The following ECE1 variants were observed in gnomAD, a reference collection of about 807,000 sequenced individuals.
ECE1 encodes endothelin converting enzyme 1.
A neutral mutation model predicts 98.6 loss-of-function variants in ECE1; 35 were observed. The observed-to-expected ratio is 0.35, with a 90% confidence interval of 0.27 to 0.47. The LOEUF (loss-of-function observed/expected upper bound fraction) is 0.47. Among genes scored for constraint, ECE1 ranks in the 20% least tolerant of loss-of-function variants. ECE1 has a pLI of 1.00. For synonymous variants in ECE1, 394 were observed against 407.1 expected, an observed-to-expected ratio of 0.97 and a Z score of 0.39; for missense variants, 814 against 1,025.3, an observed-to-expected ratio of 0.79 and a Z score of 2.81.
chr1:21,263,530 T>C (rs1345309324), intron 4 of ECE1, among the ~76,000 whole-genome samples: 1 of 152,078 alleles, frequency 6.6e-6, no homozygotes, highest in Non-Finnish European at 1.5e-5. Flanking sequence ...CTAATTTTTG[T>C]ATTTTTAGTA....
At position 21,257,519 on chromosome 1, in the gene ECE1, G is replaced by T. The variant is rs925126711; in HGVS notation, c.828+6C>A. ...AGGCAGGCTGGGAGGGGAGAGGCAC[G>T]CTTACCTTCTCGTTTTCAGTTTTGT... On this transcript the variant is annotated splice_donor_region_variant and intron_variant, in intron 7 of 18. Transcript: ENST00000374893. 6.2e-7 allele frequency: 1 copy of T among 1,614,128 alleles called. No individual in the cohort carries two copies. The highest frequency in any genetic ancestry group is 2.2e-5 in the East Asian group (1 of 44,888).
In ECE1 at chr1:21,217,437, G is replaced by A. The variant is rs912446611; in HGVS notation, c.*2518C>T. On this transcript the variant is annotated 3_prime_UTR_variant, in exon 19 of 19. Transcript: ENST00000374893. ...TTCATTTTCCTTAAAGCTCTGGAGCGGGTAGTGGCAGTGGCAGGGGCTTCC... is the reference window on the plus strand; with the variant it reads ...TTCATTTTCCTTAAAGCTCTGGAGCAGGTAGTGGCAGTGGCAGGGGCTTCC... 1 of 152,216 alleles carries A rather than the reference G, an allele frequency of 6.6e-6. No homozygotes were observed. 9.4% of individuals were successfully genotyped at this position (152,216 alleles called of 1,614,324 possible). A position where few individuals can be genotyped will look rare whatever the true frequency, so the allele number is the denominator to read the frequency against.
At chr1:21,228,163 C>T (rs2098176902) in intron 14 of ECE1, 122 bp from the exon 15 acceptor site, 2 of 694,892 alleles carry the variant, frequency 2.9e-6, no homozygotes, top group African/African-American at 3.6e-5. Context: ...TCTCCTTGAC[C>T]CCAGGCCCAA....
At chr1:21,256,377 G>A (rs550431723) in intron 7 of ECE1, among the ~76,000 whole-genome samples, 36 of 152,258 alleles carry the variant, frequency 2.4e-4, no homozygotes, top group African/African-American at 7.0e-4. Flanking sequence ...CCAACATGGC[G>A]AAACCCCGTC....
At chr1:21,335,635 G>A (rs1405113669) in intron 1 of ECE1, among the ~76,000 whole-genome samples, 1 of 152,224 alleles carries the variant, frequency 6.6e-6, no homozygotes, top group East Asian at 1.9e-4. Context: ...GGTGGACAGA[G>A]TCGCAGTGAG....
At chr1:21,230,759 G>C (rs1236372830) in intron 14 of ECE1, among the ~76,000 whole-genome samples, 1 of 152,140 alleles carries the variant, frequency 6.6e-6, no homozygotes, top group East Asian at 1.9e-4. Context: ...GAATCCAGTT[G>C]TCTTTGATTA....
intron 2 of ECE1, among the ~76,000 whole-genome samples, chr1:21,283,783 T>G (rs2098257676): frequency 2.0e-5 from 3 of 152,208 alleles, no homozygotes; most frequent in African/African-American, 7.2e-5. Context: ...CACTGCAAAA[T>G]TAAATTAAAA....
chr1:21,282,117 T>A (rs1465024385), intron 2 of ECE1, among the ~76,000 whole-genome samples: 1 of 151,686 alleles, frequency 6.6e-6, no homozygotes, highest in Non-Finnish European at 1.5e-5. Flanking sequence ...TCAGACCCCA[T>A]CTCTTAAAAA....
chr1:21,226,197 G>A (rs140738558), intron 16 of ECE1, among the ~76,000 whole-genome samples: 1 of 152,256 alleles, frequency 6.6e-6, no homozygotes, highest in Non-Finnish European at 1.5e-5. Flanking sequence ...CTGATTCAAC[G>A]CCCCCTGACT....
At chr1:21,279,671 T>G in intron 2 of ECE1, 1 of 1,406,322 alleles carries the variant, frequency 7.1e-7, no homozygotes, top group Non-Finnish European at 9.2e-7. Context: ...TGTTTGGACT[T>G]GCAGGCATCC....
At chr1:21,306,969 G>A (rs538737954) in intron 1 of ECE1, among the ~76,000 whole-genome samples, 4 of 152,148 alleles carry the variant, frequency 2.6e-5, no homozygotes, top group East Asian at 1.9e-4. Context: ...TTATACTCCC[G>A]GCCCAGTGCT....
intron 14 of ECE1, among the ~76,000 whole-genome samples, chr1:21,230,277 G>T (rs544233533): frequency 1.3e-5 from 2 of 152,144 alleles, no homozygotes; most frequent in Non-Finnish European, 2.9e-5. Context: ...ATCACTTTTC[G>T]AGTTTTGGTG....
In ECE1 at chr1:21,238,404, G is replaced by T. The variant is rs1266599178; in HGVS notation, c.1279-160C>A. On this transcript the variant is annotated intron_variant, in intron 10 of 18. Coordinates refer to ENST00000374893, the MANE Select transcript of ECE1 (RefSeq NM_001397.3). ...GTTATTTTAGTCACCGGACCAAGAG[G>T]CCACTGATACCCTCACTCCCACCCC... 4 of 681,386 alleles carry T rather than the reference G, an allele frequency of 5.9e-6. No homozygotes were observed. The Admixed American group carries it at 8.3e-5, about 14-fold the overall frequency. The allele number at this position is 681,386 out of a possible 1,614,324, so 42.2% of individuals were successfully genotyped here.
chr1:21,252,206 G>T (rs1365090400), intron 8 of ECE1, among the ~76,000 whole-genome samples: 1 of 152,230 alleles, frequency 6.6e-6, no homozygotes, highest in Non-Finnish European at 1.5e-5. Flanking sequence ...GAAAGCAGGT[G>T]TTCTGTGCAG....
chr1:21,329,574 C>T (rs1408131300), intron 1 of ECE1, among the ~76,000 whole-genome samples: 1 of 152,196 alleles, frequency 6.6e-6, no homozygotes, highest in Non-Finnish European at 1.5e-5. Flanking sequence ...TTACCTCTAC[C>T]TGCCAGGGTT....
chr1:21,306,620 A>ACT (rs1638604422), intron 1 of ECE1, among the ~76,000 whole-genome samples: 1 of 152,110 alleles, frequency 6.6e-6, no homozygotes, highest in Non-Finnish European at 1.5e-5. Context: ...GGCCTGAGCC[A>ACT]CTGCACCCGG....
intron 1 of ECE1, among the ~76,000 whole-genome samples, chr1:21,317,034 GGA>G (rs997197812): frequency 3.3e-5 from 5 of 152,020 alleles, no homozygotes; most frequent in African/African-American, 1.2e-4. Context: ...TCTTCCCCTG[GGA>G]GAGAGAGTGG....
At chr1:21,291,563 C>T (rs758751944), upstream of ECE1, among the ~76,000 whole-genome samples, 2 of 152,194 alleles carry the variant, frequency 1.3e-5, no homozygotes, top group African/African-American at 2.4e-5. Context: ...GGCTCGCTCG[C>T]GCCTGTAATC....
chr1:21,273,664 C>CA, intron 3 of ECE1, among the ~76,000 whole-genome samples: 1 of 152,248 alleles, frequency 6.6e-6, no homozygotes, highest in East Asian at 1.9e-4. Context: ...AGGGAATCCT[C>CA]AAAAACCCAA....
Sources: gnomAD v4.1 joint callset for allele counts (sites outside exome capture counted in the v4.1 genomes callset) on GRCh38, gnomAD v4.1.1 for gene constraint, MANE v1.5 for transcripts, NCBI Gene and HGNC (gene_info 2026-07-23, HGNC 2026-07-21) for gene names.